The following FER variants were observed in gnomAD, a reference collection of about 807,000 sequenced individuals.
FER encodes the protein tyrosine-protein kinase Fer.
A neutral mutation model predicts 111.0 loss-of-function variants in FER; 63 were observed. That is an observed-to-expected ratio of 0.57 (90% CI 0.46 to 0.70). The LOEUF (loss-of-function observed/expected upper bound fraction) is 0.70, where lower values mean the gene tolerates loss of function less well. Among genes scored for constraint, FER ranks in the 30% least tolerant of loss-of-function variants. The pLI is 0.00. For missense variants in FER, 914 were observed against 954.0 expected, an observed-to-expected ratio of 0.96 and a Z score of 0.55; for synonymous variants, 327 against 313.9, an observed-to-expected ratio of 1.04 and a Z score of -0.44.
rs1561536202 is a variant in FER, at chr5:108,867,763, TCA to T, written c.482-3_482-2del. 16 of 1,589,510 alleles carry T rather than the reference TCA, an allele frequency of 1.0e-5. No individual in the cohort carries two copies. The Admixed American group carries it at 1.1e-4, about 11-fold the overall frequency. Reference sequence around the variant, plus strand: ...TAACTTTCTTCAGTTTTTTTTTTTTTCAGGGAAGGAAACTGAAAAGGCCAAGG... The same window carrying T: ...TAACTTTCTTCAGTTTTTTTTTTTTTGGGAAGGAAACTGAAAAGGCCAAGG... On this transcript the variant is annotated splice_acceptor_variant and splice_polypyrimidine_tract_variant and intron_variant, in intron 5 of 19. Transcript: ENST00000281092. LOFTEE classifies it high-confidence loss of function.
intron 5 of FER, among the ~76,000 whole-genome samples, chr5:108,845,981 G>A (rs893531427): frequency 6.6e-6 from 1 of 152,058 alleles, no homozygotes; most frequent in Non-Finnish European, 1.5e-5. Flanking sequence ...AATTTTCTTA[G>A]TCATGATGTA....
chr5:108,856,824 C>A (rs1018758819), intron 5 of FER, among the ~76,000 whole-genome samples: 51 of 151,760 alleles, frequency 3.4e-4, no homozygotes, highest in African/African-American at 1.2e-3. Flanking sequence ...AACATACCTG[C>A]TAGGAGACAT....
intron 16 of FER, among the ~76,000 whole-genome samples, chr5:109,099,599 A>T (rs1439191192): frequency 4.0e-5 from 6 of 151,610 alleles, no homozygotes; most frequent in African/African-American, 1.4e-4. Context: ...TAAAATTTTC[A>T]TATTGACATA....
At chr5:109,104,081 G>C (rs772785909) in intron 17 of FER, among the ~76,000 whole-genome samples, 4 of 152,036 alleles carry the variant, frequency 2.6e-5, no homozygotes, top group Non-Finnish European at 4.4e-5. Flanking sequence ...ATTTTGGAGG[G>C]GTTAGGTAGA....
intron 10 of FER, among the ~76,000 whole-genome samples, chr5:108,904,054 A>G (rs1750407415): frequency 6.6e-6 from 1 of 152,084 alleles, no homozygotes; most frequent in African/African-American, 2.4e-5. Flanking sequence ...ATAATAGTGA[A>G]TGTACAGTTA....
intron 10 of FER, among the ~76,000 whole-genome samples, chr5:108,914,589 G>A (rs1752013145): frequency 6.6e-6 from 1 of 152,150 alleles, no homozygotes; most frequent in South Asian, 2.1e-4. Context: ...AGCATGTTAA[G>A]CATCATCAGA....
intron 16 of FER, among the ~76,000 whole-genome samples, chr5:109,083,343 G>A (rs1193709966): frequency 1.3e-5 from 2 of 151,964 alleles, no homozygotes; most frequent in African/African-American, 4.8e-5. Flanking sequence ...AGAAGATTAA[G>A]CATGCAGTCC....
chr5:108,950,924 C>G (rs1414357508), intron 11 of FER, among the ~76,000 whole-genome samples: 3 of 151,734 alleles, frequency 2.0e-5, no homozygotes, highest in East Asian at 3.9e-4. Flanking sequence ...CCCAAAATTC[C>G]TAAGTAATAC....
At chr5:108,839,867 G>A (rs1761084374) in intron 5 of FER, among the ~76,000 whole-genome samples, 1 of 152,018 alleles carries the variant, frequency 6.6e-6, no homozygotes, top group Middle Eastern at 3.4e-3. Flanking sequence ...GTGAGCCACC[G>A]CGTCCGGCCA....
intron 13 of FER, among the ~76,000 whole-genome samples, chr5:108,997,452 G>A (rs1319301264): frequency 2.0e-5 from 3 of 150,910 alleles, no homozygotes; most frequent in South Asian, 2.1e-4. Flanking sequence ...GGGCTGAGAC[G>A]ATGGGGTTTT....
chr5:108,983,486 T>C (rs1462778288), intron 13 of FER, among the ~76,000 whole-genome samples: 1 of 152,146 alleles, frequency 6.6e-6, no homozygotes, highest in East Asian at 1.9e-4. Flanking sequence ...CATAGTATTC[T>C]TCTAGGTATG....
At chr5:108,827,699 T>G (rs1759615076) in intron 3 of FER, among the ~76,000 whole-genome samples, 1 of 152,106 alleles carries the variant, frequency 6.6e-6, no homozygotes, top group African/African-American at 2.4e-5. Context: ...GTGCTGTATT[T>G]TATTTCTGTT....
At chr5:108,947,302 T>A (rs972163947) in intron 11 of FER, among the ~76,000 whole-genome samples, 1 of 152,082 alleles carries the variant, frequency 6.6e-6, no homozygotes, top group Non-Finnish European at 1.5e-5. Flanking sequence ...TATACCATTT[T>A]ACATTCCCAT....
intron 16 of FER, among the ~76,000 whole-genome samples, chr5:109,065,841 T>A (rs1452176538): frequency 1.3e-5 from 2 of 152,344 alleles, no homozygotes; most frequent in East Asian, 3.9e-4. Flanking sequence ...TTTATAAGTG[T>A]GTATTTCAAT....
rs1191026949 is a variant in FER at position 108,867,821 on chromosome 5, A to T, written c.536A>T (p.His179Leu). The change falls in exon 6 of 20, where the codon CAT becomes CTT. Residue 179 changes from histidine (H) to leucine (L), a missense_variant. Coordinates refer to ENST00000281092, the MANE Select transcript of FER (RefSeq NM_005246.4). ...TACGACAAAGCCACAATGAAACTTC[A>T]TATGTTGCACAATCAGTATGTATTG... ...ERYDKATMKL[H>L]MLHNQYVLAL... The T allele has an allele frequency of 6.2e-7, 1 of 1,612,996 alleles. No individual in the cohort carries two copies. The highest frequency in any genetic ancestry group is 8.5e-7 in the Non-Finnish European group (1 of 1,179,560).
chr5:109,132,489 T>C (rs1752459423), intron 17 of FER, among the ~76,000 whole-genome samples: 1 of 152,126 alleles, frequency 6.6e-6, no homozygotes, highest in African/African-American at 2.4e-5. Context: ...CAGGTTCTGC[T>C]GTGAGGATGG....
intron 17 of FER, among the ~76,000 whole-genome samples, chr5:109,179,349 A>C (rs1758037136): frequency 6.6e-6 from 1 of 152,156 alleles, no homozygotes; most frequent in African/African-American, 2.4e-5. Context: ...GTTTTTGTGT[A>C]TGCCCTTTGT....
At chr5:108,993,262 T>C (rs1225044142) in intron 13 of FER, among the ~76,000 whole-genome samples, 2 of 152,150 alleles carry the variant, frequency 1.3e-5, no homozygotes, top group Non-Finnish European at 2.9e-5. Flanking sequence ...GAGCACTGAG[T>C]GAACGAGACT....
chr5:108,945,294 A>T (rs77946183), intron 10 of FER, among the ~76,000 whole-genome samples: 4 of 152,042 alleles, frequency 2.6e-5, no homozygotes, highest in African/African-American at 9.7e-5. Flanking sequence ...CAATACTTCC[A>T]TTACAAAACC....
Sources: gnomAD v4.1 joint callset for allele counts (sites outside exome capture counted in the v4.1 genomes callset) on GRCh38, gnomAD v4.1.1 for gene constraint, MANE v1.5 for transcripts, NCBI Gene and HGNC (gene_info 2026-07-23, HGNC 2026-07-21) for gene names.